The following TMEM132D variants were observed in gnomAD, a reference collection of about 807,000 sequenced individuals.
TMEM132D encodes mature OL transmembrane protein.
Under a neutral mutation model 62.3 loss-of-function variants are expected in TMEM132D, and 21 were observed. The observed-to-expected ratio is 0.34, with a 90% CI of 0.24 to 0.49. The LOEUF (loss-of-function observed/expected upper bound fraction) is 0.49. Ranked by LOEUF, TMEM132D falls within the 20% of genes least tolerant of loss-of-function variation. The pLI, the probability that TMEM132D is intolerant of heterozygous loss-of-function variation, is 0.99. For synonymous variants in TMEM132D, 621 were observed against 575.6 expected (o/e 1.08, Z -1.13); for missense variants, 1,346 against 1,402.8 (o/e 0.96, Z 0.65).
intron 1 of TMEM132D, among the ~76,000 whole-genome samples, chr12:129,864,050 T>C (rs1873982108): frequency 6.6e-6 from 1 of 152,200 alleles, no homozygotes; most frequent in South Asian, 2.1e-4. Flanking sequence ...GAACAGCATG[T>C]AGCTGAGATG....
chr12:129,592,105 A>T (rs1335305935), intron 2 of TMEM132D, among the ~76,000 whole-genome samples: 9 of 152,228 alleles, frequency 5.9e-5, no homozygotes, highest in Non-Finnish European at 1.3e-4. Flanking sequence ...GTTTTATTAG[A>T]ATTTAAACCC....
At chr12:129,556,133 G>A (rs969932558) in intron 2 of TMEM132D, among the ~76,000 whole-genome samples, 17 of 152,112 alleles carry the variant, frequency 1.1e-4, no homozygotes, top group African/African-American at 3.9e-4. Context: ...TTCACTACAC[G>A]AGTATCAAGG....
intron 5 of TMEM132D, among the ~76,000 whole-genome samples, chr12:129,166,066 C>T (rs1593282593): frequency 6.6e-6 from 1 of 152,196 alleles, no homozygotes; most frequent in East Asian, 1.9e-4. Context: ...AGCGAGGTTA[C>T]ATAAGTTGCC....
chr12:129,424,518 G>A (rs1365998069), intron 3 of TMEM132D, among the ~76,000 whole-genome samples: 1 of 151,910 alleles, frequency 6.6e-6, no homozygotes, highest in East Asian at 1.9e-4. Context: ...GGCCAACATG[G>A]TGAAACCCCG....
Position 129,078,556 on chromosome 12 carries a change from T to C in TMEM132D, c.2093A>G (p.Glu698Gly). The C allele has an allele frequency of 1.9e-6, 3 of 1,613,958 alleles. No homozygotes were observed. Among genetic ancestry groups the C allele is most frequent in the Non-Finnish European group, 2.5e-6 (3 of 1,179,998 alleles). Reference protein sequence around the residue: ...RAIFATAVAQELLQRPKQEAA... With the variant: ...RAIFATAVAQGLLQRPKQEAA... ...TACCTGTTTTGGCCTCTGCAGAAGT[T>C]CCTGAGCCACTGCAGTGGCAAAGAT... is the stretch of plus-strand genomic sequence containing the variant. The change falls in exon 8 of 9, where the codon GAA becomes GGA. Residue 698 changes from glutamate to glycine, a missense_variant. Transcript: ENST00000422113.
chr12:129,274,511 C>T lies in TMEM132D; in HGVS notation c.1299+63123G>A, dbSNP rs77089570. ...CTGCTCATCCTACCAATCCTACTTC[C>T]TCATCTTTTTTTTAAACAAAGAGCA... On this transcript the variant is annotated intron_variant, in intron 4 of 8. Transcript: ENST00000422113. Among the ~76,000 whole-genome samples the T allele has an allele frequency of 5.5e-3, 843 of 152,260 alleles. 5 individuals are homozygous for T. The highest frequency in any genetic ancestry group is 0.018 in the African/African-American group (760 of 41,544).
At chr12:129,233,950 G>C (rs1468676252) in intron 4 of TMEM132D, among the ~76,000 whole-genome samples, 1 of 152,106 alleles carries the variant, frequency 6.6e-6, no homozygotes, top group Non-Finnish European at 1.5e-5. Flanking sequence ...AAAAGAGAAA[G>C]AAAACCACAT....
chr12:129,817,679 G>A (rs1191906915), intron 1 of TMEM132D, among the ~76,000 whole-genome samples: 1 of 140,094 alleles, frequency 7.1e-6, no homozygotes, highest in South Asian at 2.4e-4. Flanking sequence ...GGTATGTGTG[G>A]GGGGTGTGTA....
At chr12:129,476,244 G>T (rs778572497) in intron 3 of TMEM132D, among the ~76,000 whole-genome samples, 1 of 152,212 alleles carries the variant, frequency 6.6e-6, no homozygotes, top group Non-Finnish European at 1.5e-5. Context: ...ACACACGGTG[G>T]GAGGAAACAT....
At chr12:129,080,901 C>T (rs1565956879) in intron 7 of TMEM132D, among the ~76,000 whole-genome samples, 2 of 152,194 alleles carry the variant, frequency 1.3e-5, no homozygotes, top group South Asian at 2.1e-4. Context: ...CACTGGTCCT[C>T]TCCGTCACCC....
At chr12:129,432,952 C>A (rs867518428) in intron 3 of TMEM132D, among the ~76,000 whole-genome samples, 32 of 152,304 alleles carry the variant, frequency 2.1e-4, no homozygotes, top group Non-Finnish European at 2.9e-4. Context: ...CCAGGGTAAA[C>A]ATTACCCTGA....
At chr12:129,356,659 AAT>A (rs1361784854) in intron 3 of TMEM132D, among the ~76,000 whole-genome samples, 2 of 110,566 alleles carry the variant, frequency 1.8e-5, no homozygotes, top group Non-Finnish European at 4.4e-5. Context: ...CTCTACAATA[AAT>A]AAATAAATAA....
At chr12:129,498,711 G>A (rs1306899236) in intron 3 of TMEM132D, among the ~76,000 whole-genome samples, 2 of 152,188 alleles carry the variant, frequency 1.3e-5, no homozygotes, top group Non-Finnish European at 2.9e-5. Context: ...GTAGGTGAAT[G>A]TCTGCATTAA....
At chr12:129,299,888 C>T (rs748737327) in intron 4 of TMEM132D, among the ~76,000 whole-genome samples, 6 of 152,128 alleles carry the variant, frequency 3.9e-5, no homozygotes, top group East Asian at 1.9e-4. Context: ...TTTCCAATTA[C>T]GCTTAATCAT....
chr12:129,814,271 A>G (rs1409077596), intron 1 of TMEM132D, among the ~76,000 whole-genome samples: 1 of 152,170 alleles, frequency 6.6e-6, no homozygotes, highest in African/African-American at 2.4e-5. Flanking sequence ...TACACTTAAA[A>G]ATAGTAAAGA....
At chr12:129,557,244 T>C (rs111302982) in intron 2 of TMEM132D, among the ~76,000 whole-genome samples, 5 of 152,338 alleles carry the variant, frequency 3.3e-5, no homozygotes, top group African/African-American at 9.6e-5. Context: ...TCTGTCATAC[T>C]TCTCAGCAGT....
At chr12:129,707,957 C>T (rs1881545303) in intron 1 of TMEM132D, among the ~76,000 whole-genome samples, 2 of 152,242 alleles carry the variant, frequency 1.3e-5, no homozygotes, top group South Asian at 4.2e-4. Context: ...TGGTTCACAC[C>T]CGTAATCCCA....
At chr12:129,854,007 G>T (rs976901095) in intron 1 of TMEM132D, among the ~76,000 whole-genome samples, 1 of 152,106 alleles carries the variant, frequency 6.6e-6, no homozygotes, top group Non-Finnish European at 1.5e-5. Flanking sequence ...GCAAAGAAAA[G>T]CCACCTTGGG....
intron 2 of TMEM132D, among the ~76,000 whole-genome samples, chr12:129,625,995 T>C (rs1879201632): frequency 6.6e-6 from 1 of 152,194 alleles, no homozygotes; most frequent in Non-Finnish European, 1.5e-5. Flanking sequence ...GCAGGTGGCA[T>C]ACGGCTATTA....
Sources: allele counts gnomAD v4.1 joint callset (sites outside exome capture counted in the v4.1 genomes callset), GRCh38; gene constraint gnomAD v4.1.1; transcripts MANE v1.5; gene names NCBI Gene and HGNC (gene_info 2026-07-23, HGNC 2026-07-21).